Variants in MAPKAP1 observed in about 807,000 individuals in gnomAD.
MAPKAP1 encodes target of rapamycin complex 2 subunit MAPKAP1.
A neutral mutation model predicts 65.7 loss-of-function variants in MAPKAP1; 20 were observed. The observed-to-expected ratio is 0.30, with a 90% CI of 0.21 to 0.44. MAPKAP1 has a LOEUF of 0.44. Among genes scored for constraint, MAPKAP1 ranks in the 20% least tolerant of loss-of-function variants. The probability of loss-of-function intolerance (pLI) is 1.00; values close to 1 mark genes in which losing one functional copy is unlikely to be tolerated. For missense variants in MAPKAP1, 423 were observed against 648.0 expected (o/e 0.65, Z 3.77); for synonymous variants, 222 against 244.3 (o/e 0.91, Z 0.85).
chr9:125,597,033 C>T (rs556126851), intron 4 of MAPKAP1, among the ~76,000 whole-genome samples: 5 of 149,164 alleles, frequency 3.4e-5, no homozygotes, highest in South Asian at 2.1e-4. Context: ...GAGGCCAAGG[C>T]GGGCAGATCA....
At position 125,552,329 on chromosome 9, in the gene MAPKAP1, T is replaced by C. The variant is rs192859580; in HGVS notation, c.848+7304A>G. Among the ~76,000 whole-genome samples the C allele has an allele frequency of 6.6e-5, 10 of 152,344 alleles. No homozygotes were observed. The East Asian group carries it at 1.9e-3, about 29-fold the overall frequency. Reference sequence around the variant, plus strand: ...CAGGGGTTCTAGAGGGAAAGCTAGATAGATCTAGTCCTGATTTAGTAAGAA... The same window carrying C: ...CAGGGGTTCTAGAGGGAAAGCTAGACAGATCTAGTCCTGATTTAGTAAGAA... On this transcript the variant is annotated intron_variant, in intron 6 of 11. Coordinates refer to ENST00000265960, the MANE Select transcript of MAPKAP1 (RefSeq NM_001006617.3).
chr9:125,652,116 C>A, intron 4 of MAPKAP1: 2 of 1,289,858 alleles, frequency 1.6e-6, no homozygotes, highest in Non-Finnish European at 2.0e-6. Flanking sequence ...AATTCGCTGA[C>A]CTTTTCTGAG....
At chr9:125,575,232 T>C (rs889495547) in intron 5 of MAPKAP1, among the ~76,000 whole-genome samples, 2 of 152,062 alleles carry the variant, frequency 1.3e-5, no homozygotes, top group East Asian at 3.9e-4. Flanking sequence ...TGTAGGGACA[T>C]GCACCTGTAG....
chr9:125,698,298 TATATATATATATATATA>T (rs1753235776), intron 1 of MAPKAP1, among the ~76,000 whole-genome samples: 1 of 12,846 alleles, frequency 7.8e-5, no homozygotes, highest in Admixed American at 8.5e-4. Flanking sequence ...AATATATATA[TATATATATATATATATA>T]TATATATATA....
At position 125,544,731 on chromosome 9, in the gene MAPKAP1, G is replaced by A. The variant is rs532288675; in HGVS notation, c.849-1563C>T. Among the ~76,000 whole-genome samples the A allele has an allele frequency of 4.6e-5, 7 of 152,308 alleles. No individual in the cohort carries two copies. The South Asian group carries it at 1.4e-3, about 32-fold the overall frequency. On this transcript the variant is annotated intron_variant, in intron 6 of 11. Coordinates refer to ENST00000265960, the MANE Select transcript of MAPKAP1 (RefSeq NM_001006617.3). ...CCATTTCTCCATAAGAATCTCTAAAGGGAATGTGGCCAAAAAACATGGCAG... is the reference window on the plus strand; with the variant it reads ...CCATTTCTCCATAAGAATCTCTAAAAGGAATGTGGCCAAAAAACATGGCAG...
At chr9:125,674,167 T>C (rs1834577141) in intron 1 of MAPKAP1, among the ~76,000 whole-genome samples, 1 of 152,096 alleles carries the variant, frequency 6.6e-6, no homozygotes, top group African/African-American at 2.4e-5. Context: ...GCCTCCCTTT[T>C]TTTTTTCCTT....
At chr9:125,446,420 A>C (rs1161127058) in intron 10 of MAPKAP1, among the ~76,000 whole-genome samples, 1 of 152,162 alleles carries the variant, frequency 6.6e-6, no homozygotes, top group Non-Finnish European at 1.5e-5. Flanking sequence ...TTAACATATA[A>C]ATTCTGTGTT....
chr9:125,489,820 C>T (rs578210955), intron 8 of MAPKAP1, among the ~76,000 whole-genome samples: 1 of 152,222 alleles, frequency 6.6e-6, no homozygotes, highest in African/African-American at 2.4e-5. Flanking sequence ...GGATTAATAA[C>T]ATTAGAAAGA....
intron 5 of MAPKAP1, among the ~76,000 whole-genome samples, chr9:125,577,182 G>A (rs1831438337): frequency 6.6e-6 from 1 of 151,800 alleles, no homozygotes; most frequent in South Asian, 2.1e-4. Flanking sequence ...CCCCGTCCGG[G>A]ATGTGAGGAG....
chr9:125,441,992 G>A (rs1852503903), intron 11 of MAPKAP1, among the ~76,000 whole-genome samples: 1 of 151,968 alleles, frequency 6.6e-6, no homozygotes, highest in African/African-American at 2.4e-5. Context: ...AGCTGGGCTT[G>A]GTGGCGGGTG....
chr9:125,493,401 T>C (rs1205116226), intron 8 of MAPKAP1, among the ~76,000 whole-genome samples: 6 of 152,226 alleles, frequency 3.9e-5, no homozygotes, highest in African/African-American at 1.4e-4. Flanking sequence ...TGAAGGTTCT[T>C]CTGGTAAGTA....
At chr9:125,611,190 C>T (rs7864945) in intron 4 of MAPKAP1, among the ~76,000 whole-genome samples, 40,582 of 152,044 alleles carry the variant, frequency 0.27, 6,549 homozygotes, top group Non-Finnish European at 0.36. Flanking sequence ...GCTCACTGAA[C>T]TTTTACTAAT....
chr9:125,684,875 T>C (rs1834929464), intron 1 of MAPKAP1, among the ~76,000 whole-genome samples: 1 of 152,162 alleles, frequency 6.6e-6, no homozygotes, highest in Admixed American at 6.5e-5. Flanking sequence ...GGTCTCACCA[T>C]GCTGCCCAGA....
At position 125,675,463 on chromosome 9, in the gene MAPKAP1, C is replaced by T. The variant is rs565680116; in HGVS notation, c.-69-2820G>A. On this transcript the variant is annotated intron_variant, in intron 1 of 11. Coordinates refer to ENST00000265960, the MANE Select transcript of MAPKAP1 (RefSeq NM_001006617.3). The stretch of plus-strand genomic sequence containing the variant: ...CTGAAGGCACATACCAACTTCCCAG[C>T]TTTATCCTCCCAGAACAAATGCCTC... 2.0e-5 allele frequency among the ~76,000 whole-genome samples: 3 copies of T among 152,290 alleles called. No homozygotes were observed. The South Asian group carries it at 6.2e-4, about 32-fold the overall frequency.
At chr9:125,638,026 C>A (rs1317066470) in intron 4 of MAPKAP1, among the ~76,000 whole-genome samples, 1 of 152,136 alleles carries the variant, frequency 6.6e-6, no homozygotes, top group Non-Finnish European at 1.5e-5. Flanking sequence ...CCAGTCTTGG[C>A]CTCTTGAAGT....
intron 8 of MAPKAP1, among the ~76,000 whole-genome samples, chr9:125,496,298 C>T (rs973499364): frequency 2.6e-5 from 4 of 152,176 alleles, no homozygotes; most frequent in Non-Finnish European, 2.9e-5. Context: ...TATGCAATAT[C>T]GACTTGGATA....
intron 7 of MAPKAP1, among the ~76,000 whole-genome samples, chr9:125,533,445 A>G (rs919828755): frequency 2.0e-5 from 3 of 152,056 alleles, no homozygotes; most frequent in Non-Finnish European, 2.9e-5. Flanking sequence ...AAGAATGGGC[A>G]TAAACTTTTT....
intron 4 of MAPKAP1, among the ~76,000 whole-genome samples, chr9:125,623,756 TG>T (rs1258328569): frequency 2.9e-4 from 8 of 27,746 alleles, no homozygotes; most frequent in African/African-American, 4.6e-4. Context: ...GGGAGGGAGG[TG>T]GGGGGTCAGC....
intron 9 of MAPKAP1, among the ~76,000 whole-genome samples, chr9:125,480,975 G>GAAAA (rs536367888): frequency 9.2e-6 from 1 of 108,682 alleles, no homozygotes; most frequent in South Asian, 3.1e-4. Context: ...CCGTTTCGGG[G>GAAAA]AAAAAAAAAA....
Sources: allele counts gnomAD v4.1 joint callset (sites outside exome capture counted in the v4.1 genomes callset), GRCh38; gene constraint gnomAD v4.1.1; transcripts MANE v1.5; gene names NCBI Gene and HGNC (gene_info 2026-07-23, HGNC 2026-07-21).